The following CNBD1 variants were observed in gnomAD, a reference collection of about 807,000 sequenced individuals.
The protein encoded by CNBD1 is cyclic nucleotide-binding domain-containing protein 1.
Under a neutral mutation model 54.4 loss-of-function variants are expected in CNBD1, and 71 were observed. The ratio of observed to expected loss-of-function variants is 1.30; its 90% CI spans 1.08 to 1.59. The LOEUF (loss-of-function observed/expected upper bound fraction) is 1.59, where lower values mean the gene tolerates loss of function less well. CNBD1 is among the 40% of genes most tolerant of loss of function. The pLI is 0.00. For synonymous variants in CNBD1, 182 were observed against 170.7 expected, an observed-to-expected ratio of 1.07 and a Z score of -0.51; for missense variants, 659 against 518.0, an observed-to-expected ratio of 1.27 and a Z score of -2.64.
At chr8:87,299,550 A>T (rs1320408717) in intron 8 of CNBD1, among the ~76,000 whole-genome samples, 1 of 152,186 alleles carries the variant, frequency 6.6e-6, no homozygotes, top group South Asian at 2.1e-4. Flanking sequence ...CCTGAATTAG[A>T]TCCAAATGCA....
chr8:86,909,406 G>A (rs1261428308), intron 3 of CNBD1, among the ~76,000 whole-genome samples: 5 of 152,058 alleles, frequency 3.3e-5, no homozygotes, highest in Admixed American at 2.0e-4. Context: ...TGGAAGTATC[G>A]TAAAGCTAGA....
chr8:87,427,243 A>T (rs1316410539), intron 2 of CNBD1, among the ~76,000 whole-genome samples: 4 of 152,138 alleles, frequency 2.6e-5, no homozygotes. Context: ...TTTGTATGTT[A>T]GTTGGCTTGA....
chr8:86,934,999 A>G (rs1428105716), intron 3 of CNBD1, among the ~76,000 whole-genome samples: 1 of 150,900 alleles, frequency 6.6e-6, no homozygotes, highest in Non-Finnish European at 1.5e-5. Flanking sequence ...TTCTGGAAGC[A>G]TTTGGGTTTG....
chr8:87,024,311 A>T (rs1456175213), intron 4 of CNBD1, among the ~76,000 whole-genome samples: 1 of 150,940 alleles, frequency 6.6e-6, no homozygotes, highest in African/African-American at 2.4e-5. Flanking sequence ...GATTTTTAAA[A>T]TTTATTTTAT....
intron 3 of CNBD1, among the ~76,000 whole-genome samples, chr8:86,927,488 A>G (rs1245563379): frequency 6.6e-6 from 1 of 152,060 alleles, no homozygotes; most frequent in Non-Finnish European, 1.5e-5. Context: ...AGTTACTATG[A>G]TCAGTTGGGG....
chr8:87,266,800 TG>T (rs1482427004), intron 6 of CNBD1, among the ~76,000 whole-genome samples: 2 of 152,014 alleles, frequency 1.3e-5, no homozygotes, highest in African/African-American at 4.8e-5. Context: ...GTGAGTAATG[TG>T]GGTTCATTCA....
At chr8:87,200,097 C>T (rs1316088616) in intron 4 of CNBD1, among the ~76,000 whole-genome samples, 6 of 152,166 alleles carry the variant, frequency 3.9e-5, no homozygotes, top group South Asian at 4.2e-4. Flanking sequence ...GTGAATACAG[C>T]CTCAGAGACC....
At chr8:86,930,077 C>A (rs1809430555) in intron 3 of CNBD1, among the ~76,000 whole-genome samples, 1 of 152,148 alleles carries the variant, frequency 6.6e-6, no homozygotes, top group Admixed American at 6.5e-5. Context: ...GAGTATTTGC[C>A]CTCTGGGTCT....
chr8:87,113,525 C>A (rs1289333416), intron 4 of CNBD1, among the ~76,000 whole-genome samples: 1 of 152,062 alleles, frequency 6.6e-6, no homozygotes, highest in Non-Finnish European at 1.5e-5. Context: ...ATTATGTTGA[C>A]AAAGAAAGTA....
chr8:87,382,775 C>G lies in CNBD1; in HGVS notation c.*148C>G. The stretch of plus-strand genomic sequence containing the variant: ...GGATTCCCCAGGAAAGTCCCACTTT[C>G]GAATTGCCTTTCAAACACAGTTTTT... On this transcript the variant is annotated 3_prime_UTR_variant, in exon 11 of 11. Coordinates refer to ENST00000518476, the MANE Select transcript of CNBD1 (RefSeq NM_173538.3). The G allele has an allele frequency of 6.3e-6, 3 of 476,600 alleles. 1 individual carries two copies. In the South Asian group the frequency reaches 1.6e-4, roughly 26 times the overall value. 29.5% of individuals were successfully genotyped at this position (476,600 alleles called of 1,614,324 possible). A position where few individuals can be genotyped will look rare whatever the true frequency, so the allele number is the denominator to read the frequency against.
At chr8:86,874,845 G>A (rs1345765650) in intron 1 of CNBD1, among the ~76,000 whole-genome samples, 2 of 151,266 alleles carry the variant, frequency 1.3e-5, no homozygotes, top group Admixed American at 6.6e-5. Flanking sequence ...TTTTCCCTAA[G>A]AGCCCTGTTT....
intron 8 of CNBD1, among the ~76,000 whole-genome samples, chr8:87,306,487 G>T (rs1034198180): frequency 3.9e-5 from 6 of 152,128 alleles, no homozygotes; most frequent in African/African-American, 1.4e-4. Flanking sequence ...GCAAAATCAT[G>T]GAACCAATCC....
At chr8:86,881,073 C>T (rs542081905) in intron 1 of CNBD1, among the ~76,000 whole-genome samples, 2 of 152,256 alleles carry the variant, frequency 1.3e-5, no homozygotes, top group African/African-American at 2.4e-5. Context: ...CAACATCATA[C>T]TGAATGGGCA....
At chr8:86,987,400 C>T (rs371550337) in intron 4 of CNBD1, among the ~76,000 whole-genome samples, 6 of 152,170 alleles carry the variant, frequency 3.9e-5, no homozygotes, top group African/African-American at 1.2e-4. Context: ...TTCTAGGGGC[C>T]TTTTGGCAGT....
intron 3 of CNBD1, among the ~76,000 whole-genome samples, chr8:86,916,716 T>A (rs541851828): frequency 1.3e-5 from 2 of 152,130 alleles, no homozygotes; most frequent in South Asian, 2.1e-4. Context: ...TTTTTATTTT[T>A]TTTTTGAAAT....
At chr8:87,295,817 A>G (rs1269127100) in intron 8 of CNBD1, among the ~76,000 whole-genome samples, 3 of 152,182 alleles carry the variant, frequency 2.0e-5, no homozygotes, top group African/African-American at 4.8e-5. Context: ...CAAACTTAAT[A>G]TATAAAAATA....
At chr8:87,413,617 A>C (rs1046438173) in intron 2 of CNBD1, among the ~76,000 whole-genome samples, 4 of 152,114 alleles carry the variant, frequency 2.6e-5, no homozygotes, top group Non-Finnish European at 4.4e-5. Flanking sequence ...CTTAGAACCT[A>C]CTCATCTGAC....
chr8:87,262,899 G>A (rs1171973570), intron 6 of CNBD1, among the ~76,000 whole-genome samples: 1 of 152,072 alleles, frequency 6.6e-6, no homozygotes, highest in Non-Finnish European at 1.5e-5. Flanking sequence ...TTTCTGTATT[G>A]GAGATAATGA....
At chr8:87,135,595 AAC>A (rs1812211081) in intron 4 of CNBD1, among the ~76,000 whole-genome samples, 1 of 148,268 alleles carries the variant, frequency 6.7e-6, no homozygotes, top group Non-Finnish European at 1.5e-5. Context: ...ATGCTATATA[AAC>A]ACATATATTC....
Sources: gnomAD v4.1 joint callset for allele counts (sites outside exome capture counted in the v4.1 genomes callset) on GRCh38, gnomAD v4.1.1 for gene constraint, MANE v1.5 for transcripts, NCBI Gene and HGNC (gene_info 2026-07-23, HGNC 2026-07-21) for gene names.